The following ITPRID2 variants were observed in gnomAD, a reference collection of about 807,000 sequenced individuals.
ITPRID2 encodes the protein ITPR interacting domain containing 2, also known as protein ITPRID2.
Under a neutral mutation model 124.3 loss-of-function variants are expected in ITPRID2, and 60 were observed. That is an observed-to-expected ratio of 0.48 (90% CI 0.39 to 0.60). The LOEUF (loss-of-function observed/expected upper bound fraction) is 0.60. Among genes scored for constraint, ITPRID2 ranks in the 20% least tolerant of loss-of-function variants. The probability of loss-of-function intolerance (pLI) is 0.00; values close to 1 mark genes in which losing one functional copy is unlikely to be tolerated. For synonymous variants in ITPRID2, 521 were observed against 542.9 expected (o/e 0.96, Z 0.56); for missense variants, 1,553 against 1,512.2 (o/e 1.03, Z -0.45).
At position 181,913,081 on chromosome 2, in the gene ITPRID2, T is replaced by A. The variant is rs191030334; in HGVS notation, c.1487-764T>A. ...ATTGTATTTATTTATTTATTTATTT[T>A]TTTTGAGACGGAGTCTTGCTCTGTC... On this transcript the variant is annotated intron_variant, in intron 9 of 17. Transcript: ENST00000431877. Among the ~76,000 whole-genome samples the A allele has an allele frequency of 2.3e-3, 353 of 152,192 alleles. 2 individuals are homozygous for A. The highest frequency in any genetic ancestry group is 8.5e-3 in the South Asian group (41 of 4,824).
chr2:181,922,548 T>C, intron 16 of ITPRID2, 136 bp downstream of exon 16: 1 of 867,310 alleles, frequency 1.2e-6, no homozygotes, highest in Non-Finnish European at 1.7e-6. Context: ...TAAATTAGCT[T>C]TCCTGTTGAT....
At chr2:181,927,569 GAA>G (rs1694953247) in intron 16 of ITPRID2, among the ~76,000 whole-genome samples, 1 of 152,098 alleles carries the variant, frequency 6.6e-6, no homozygotes, top group Admixed American at 6.5e-5. Flanking sequence ...TGCAACTAAA[GAA>G]AAAGTTATTT....
chr2:181,919,206 C>T lies in ITPRID2; in HGVS notation c.2994-90C>T. 3 of 1,438,346 alleles carry T rather than the reference C, an allele frequency of 2.1e-6. No individual in the cohort carries two copies. Among genetic ancestry groups the T allele is most frequent in the Non-Finnish European group, 1.9e-6 (2 of 1,043,528 alleles). The allele number at this position is 1,438,346 out of a possible 1,614,324, so 89.1% of individuals were successfully genotyped here. ...CTAGAACCTGAGATTTCCATGCCTT[C>T]TGTTAGCATATAGTAGTTGTTGAAA... On this transcript the variant is annotated intron_variant, in intron 13 of 17. Coordinates refer to ENST00000431877, the MANE Select transcript of ITPRID2 (RefSeq NM_001130445.3). This position sits in a 1 kb window ranked among gnomAD's most constrained non-coding sequence, Gnocchi z 4.2.
At position 181,928,212 on chromosome 2, in the gene ITPRID2, T is replaced by C. The variant is rs1695003383; in HGVS notation, c.3727T>C (p.Leu1243=). The C allele has an allele frequency of 6.4e-7, 1 of 1,551,010 alleles. No homozygotes were observed. ...EIRREIVSGL[L]AAVSSSKASN... is the part of the protein sequence containing the mutation. The stretch of plus-strand genomic sequence containing the variant: ...CAGACGGGAAATTGTAAGTGGACTT[T>C]TGGCAGCAGTATCTTCAAGTAAAGC... The change falls in exon 17 of 18, where the codon TTG becomes CTG. Residue 1243 remains leucine (L), a synonymous_variant. Transcript: ENST00000431877.
At position 181,900,776 on chromosome 2, in the gene ITPRID2, A is replaced by G; in HGVS notation, c.584A>G (p.Asp195Gly). 1 of 1,613,408 alleles carries G rather than the reference A, an allele frequency of 6.2e-7. No homozygotes were observed. Among genetic ancestry groups the G allele is most frequent in the South Asian group, 1.1e-5 (1 of 90,992 alleles). Residue 195 changes from aspartate (D) to glycine (G), a missense_variant, in exon 7 of 18, where the codon GAT becomes GGT. Physicochemically the swap from Asp to Gly is moderately conservative, Grantham distance 94. Transcript: ENST00000431877. ...CTTGGATTTGGACGTGATGAACCAG[A>G]TATTGCTTCTAAAATTCCTTCCAGA... ...YNLGFGRDEP[D>G]IASKIPSRFF...
Position 181,928,167 on chromosome 2 carries a change from G to C in ITPRID2, c.3682G>C (p.Glu1228Gln). ...TATTGTTTTTCCAATCTAGATTAAA[G>C]AGTCTATTGTTGGGGAAATCAGACG... is the stretch of plus-strand genomic sequence containing the variant. ...ELQQVIREIKESIVGEIRREI... is the reference protein window; with the variant it reads ...ELQQVIREIKQSIVGEIRREI... The change falls in exon 17 of 18, where the codon GAG (glutamate) becomes CAG (glutamine). Residue 1228 changes from glutamate (E) to glutamine (Q), a missense_variant. Physicochemically the swap from Glu to Gln is conservative, Grantham distance 29. Transcript: ENST00000431877. 1 of 1,539,378 alleles carries C rather than the reference G, an allele frequency of 6.5e-7. No homozygotes were observed. The highest frequency in any genetic ancestry group is 1.2e-5 in the South Asian group (1 of 81,718).
At chr2:181,923,254 A>G (rs952761073) in intron 16 of ITPRID2, among the ~76,000 whole-genome samples, 1 of 152,228 alleles carries the variant, frequency 6.6e-6, no homozygotes, top group South Asian at 2.1e-4. Context: ...CAATGCAATT[A>G]TCTCTGTTTA....
At chr2:181,894,018 G>T (rs1691980123) in intron 2 of ITPRID2, 1 of 152,066 alleles carries the variant, frequency 6.6e-6, no homozygotes, top group South Asian at 2.1e-4. Context: ...CCTCCAATCT[G>T]ACTCTTTATT....
Position 181,902,106 on chromosome 2 carries a change from GTC to G in ITPRID2, c.1054_1055del (p.Ser352IlefsTer8), listed in dbSNP as rs1326106319. Reference sequence around the variant, plus strand: ...CTCAAAAAATTATGAAGAAGAAAGAGTCATCTTCTATGTTGGCTACAGTTAAA... The same window carrying G: ...CTCAAAAAATTATGAAGAAGAAAGAGATCTTCTATGTTGGCTACAGTTAAA... The part of the protein sequence containing the change: ...KSQKIMKKKE[S>X]SSMLATVKEE... On this transcript the variant is annotated frameshift_variant, in exon 8 of 18. Transcript: ENST00000431877. LOFTEE classifies it high-confidence loss of function. The surrounding 1 kb of genome is among the most constrained non-coding windows in gnomAD (Gnocchi z 4.4). 7 of 1,612,276 alleles carry G rather than the reference GTC, an allele frequency of 4.3e-6. No homozygotes were observed. Among genetic ancestry groups the G allele is most frequent in the Non-Finnish European group, 5.9e-6 (7 of 1,179,336 alleles).
Position 181,901,884 on chromosome 2 carries a change from C to T in ITPRID2, c.831C>T (p.Asn277=). ...GAAGTATGTCCTCAGTGACCTCTAA[C>T]AAGGAGACAGACCCACCTCCACCTT... The part of the protein sequence containing the change: ...RIGSMSSVTS[N]KETDPPPPLT... Residue 277 remains asparagine, a synonymous_variant, in exon 8 of 18, where the codon AAC becomes AAT. Transcript: ENST00000431877. The T allele has an allele frequency of 6.2e-7, 1 of 1,613,914 alleles. No individual in the cohort carries two copies. The highest frequency in any genetic ancestry group is 8.5e-7 in the Non-Finnish European group (1 of 1,179,886).
At chr2:181,911,758 C>G (rs1200153476) in intron 9 of ITPRID2, among the ~76,000 whole-genome samples, 1 of 152,146 alleles carries the variant, frequency 6.6e-6, no homozygotes, top group African/African-American at 2.4e-5. Flanking sequence ...ATAGTTTCCC[C>G]TACATTCTAC....
intron 8 of ITPRID2, among the ~76,000 whole-genome samples, chr2:181,909,564 G>C (rs1693434931): frequency 6.6e-6 from 1 of 152,190 alleles, no homozygotes; most frequent in African/African-American, 2.4e-5. Context: ...TGTTGGGCTA[G>C]TTTGCACACT....
rs1377424955 is a variant in ITPRID2 at position 181,892,222 on chromosome 2, GGAGGAC to G, written c.162_167del (p.Asp54_Glu55del). The G allele has an allele frequency of 1.3e-6, 2 of 1,550,554 alleles. No homozygotes were observed. Among genetic ancestry groups the G allele is most frequent in the Non-Finnish European group, 8.7e-7 (1 of 1,146,870 alleles). On this transcript the variant is annotated inframe_deletion, in exon 1 of 18. Coordinates refer to ENST00000431877, the MANE Select transcript of ITPRID2 (RefSeq NM_001130445.3). This position sits in a 1 kb window ranked among gnomAD's most constrained non-coding sequence, Gnocchi z 5.2. Reference sequence around the variant, plus strand: ...CAGAAGCGACGACGCAGGACGAGGAGGAGGACGAGGAGGAGGACCTCCCCGGCGCGC... The same window carrying G: ...CAGAAGCGACGACGCAGGACGAGGAGGAGGAGGAGGACCTCCCCGGCGCGC...
At chr2:181,898,679 A>G (rs546914235) in intron 4 of ITPRID2, among the ~76,000 whole-genome samples, 1 of 152,214 alleles carries the variant, frequency 6.6e-6, no homozygotes, top group African/African-American at 2.4e-5. Context: ...ACACAAAAAC[A>G]CCCTTCAAAA....
In ITPRID2 at chr2:181,902,747, G is replaced by T. The variant is rs1483682850; in HGVS notation, c.1413+281G>T. Among the ~76,000 whole-genome samples, 1 of 152,194 alleles carries T rather than the reference G, an allele frequency of 6.6e-6. No individual in the cohort carries two copies. The highest frequency in any genetic ancestry group is 2.4e-5 in the African/African-American group (1 of 41,454). On this transcript the variant is annotated intron_variant, in intron 8 of 17. Coordinates refer to ENST00000431877, the MANE Select transcript of ITPRID2 (RefSeq NM_001130445.3). The surrounding 1 kb of genome is among the most constrained non-coding windows in gnomAD (Gnocchi z 4.4). ...TCAAGGGTAAGATTTTGATGCTCAAGAAAGCCCTGAGAGAGTATATTTAAA... is the reference window on the plus strand; with the variant it reads ...TCAAGGGTAAGATTTTGATGCTCAATAAAGCCCTGAGAGAGTATATTTAAA...
In ITPRID2 at chr2:181,891,962, C is replaced by A; in HGVS notation, c.-105C>A. 1 of 1,128,062 alleles carries A rather than the reference C, an allele frequency of 8.9e-7. No individual in the cohort carries two copies. The highest frequency in any genetic ancestry group is 1.2e-6 in the Non-Finnish European group (1 of 814,906). The allele number at this position is 1,128,062 out of a possible 1,614,324, so 69.9% of individuals were successfully genotyped here. A position where few individuals can be genotyped will look rare whatever the true frequency, so the allele number is the denominator to read the frequency against. ...TCCTCCGGCGCCCGCTTCAGCTCCC[C>A]GGGGCCCCCTGCCCGGCCGGGCGCT... On this transcript the variant is annotated 5_prime_UTR_variant, in exon 1 of 18. Coordinates refer to ENST00000431877, the MANE Select transcript of ITPRID2 (RefSeq NM_001130445.3).
At chr2:181,908,507 C>T (rs1410925229) in intron 8 of ITPRID2, among the ~76,000 whole-genome samples, 5 of 152,122 alleles carry the variant, frequency 3.3e-5, no homozygotes. Context: ...AATGGTTTTC[C>T]TGTTGAACAT....
At chr2:181,929,156 C>G (rs868815820) in intron 17 of ITPRID2, among the ~76,000 whole-genome samples, 28 of 151,632 alleles carry the variant, frequency 1.8e-4, no homozygotes, top group Middle Eastern at 6.8e-3. Context: ...CTCCTAGCCT[C>G]AAGCGATCCT....
chr2:181,901,033 C>T lies in ITPRID2; in HGVS notation c.712+129C>T. 4.3e-6 allele frequency: 3 copies of T among 698,604 alleles called. No individual in the cohort carries two copies. The South Asian group carries it at 7.1e-5, about 16-fold the overall frequency. The allele number at this position is 698,604 out of a possible 1,614,324, so 43.3% of individuals were successfully genotyped here. Reference sequence around the variant, plus strand: ...TAAAGAGATTGATTAACGCAAAAGCCATTTTTACATGTTAAAATTAAGCTA... The same window carrying T: ...TAAAGAGATTGATTAACGCAAAAGCTATTTTTACATGTTAAAATTAAGCTA... On this transcript the variant is annotated intron_variant, in intron 7 of 17. Transcript: ENST00000431877.
Sources: allele counts gnomAD v4.1 joint callset (sites outside exome capture counted in the v4.1 genomes callset), GRCh38; gene constraint gnomAD v4.1.1; non-coding constraint Gnocchi (gnomAD v3.1); transcripts MANE v1.5; gene names NCBI Gene and HGNC (gene_info 2026-07-23, HGNC 2026-07-21).